The following ARHGAP25 variants were observed in gnomAD, a reference collection of about 807,000 sequenced individuals.
ARHGAP25 encodes the protein rho GTPase-activating protein 25.
ARHGAP25 carries 34 observed loss-of-function variants against 71.0 expected under a neutral mutation model. The observed-to-expected ratio is 0.48, with a 90% CI of 0.36 to 0.64. The LOEUF is 0.64. ARHGAP25 is among the 30% of genes least tolerant of loss of function. The pLI is 0.00. For missense variants in ARHGAP25, 706 were observed against 805.1 expected (o/e 0.88, Z 1.49); for synonymous variants, 282 against 296.5 (o/e 0.95, Z 0.50).
chr2:68,825,777 C>CA (rs370537902), intron 10 of ARHGAP25, among the ~76,000 whole-genome samples: 26 of 148,626 alleles, frequency 1.7e-4, no homozygotes, highest in South Asian at 1.5e-3. Flanking sequence ...AGACTCCATC[C>CA]AAAAAAAAAT....
chr2:68,786,618 G>A (rs1678776070), intron 3 of ARHGAP25, among the ~76,000 whole-genome samples: 1 of 152,300 alleles, frequency 6.6e-6, no homozygotes. Context: ...TCAATGCCCA[G>A]TGCTTTAATG....
chr2:68,817,446 T>A (rs566503415), intron 7 of ARHGAP25, among the ~76,000 whole-genome samples: 1 of 152,308 alleles, frequency 6.6e-6, no homozygotes, highest in East Asian at 1.9e-4. Context: ...GGAGGCACCA[T>A]GGATTCCCCA....
chr2:68,729,218 T>G (rs1674951794), intron 2 of ARHGAP25, among the ~76,000 whole-genome samples: 1 of 152,220 alleles, frequency 6.6e-6, no homozygotes. Context: ...ATCACTGAAT[T>G]GTACACTTTG....
At chr2:68,749,619 G>A (rs2104311346) in intron 1 of ARHGAP25, among the ~76,000 whole-genome samples, 1 of 152,320 alleles carries the variant, frequency 6.6e-6, no homozygotes, top group African/African-American at 2.4e-5. Flanking sequence ...TCATGCAAAG[G>A]CAGCCTCAGT....
intron 5 of ARHGAP25, among the ~76,000 whole-genome samples, chr2:68,810,454 C>G (rs544417837): frequency 1.4e-4 from 21 of 152,266 alleles, no homozygotes; most frequent in African/African-American, 4.8e-4. Context: ...CAAGGCCCAG[C>G]AGTGGGCATG....
At chr2:68,761,218 A>G in intron 1 of ARHGAP25, among the ~76,000 whole-genome samples, 1 of 152,094 alleles carries the variant, frequency 6.6e-6, no homozygotes, top group East Asian at 1.9e-4. Flanking sequence ...CTTACCTAAT[A>G]CCATATACAA....
intron 1 of ARHGAP25, among the ~76,000 whole-genome samples, chr2:68,760,646 C>T (rs1045872910): frequency 1.3e-5 from 2 of 151,874 alleles, no homozygotes; most frequent in Non-Finnish European, 2.9e-5. Context: ...GAAATACTTG[C>T]ACTACAAAAC....
intron 9 of ARHGAP25, among the ~76,000 whole-genome samples, chr2:68,821,099 T>C (rs1279808161): frequency 1.4e-5 from 2 of 144,936 alleles, no homozygotes; most frequent in African/African-American, 2.5e-5. Flanking sequence ...TTTCTTTTTT[T>C]TTTTTTTTTT....
In ARHGAP25 at chr2:68,800,860, T is replaced by A. The variant is rs116228069; in HGVS notation, c.467-6413T>A. On this transcript the variant is annotated intron_variant, in intron 4 of 10. Coordinates refer to ENST00000409202, the MANE Select transcript of ARHGAP25 (RefSeq NM_001007231.3). ...TTACATTGGTTAATAGTTATAATTA[T>A]CATATTACATATATTATAATTACAT... Among the ~76,000 whole-genome samples, 1,427 of 152,196 alleles carry A rather than the reference T, an allele frequency of 9.4e-3. 18 individuals carry two copies. The highest frequency in any genetic ancestry group is 0.033 in the African/African-American group (1,364 of 41,520).
At chr2:68,743,782 A>G (rs958570797) in intron 1 of ARHGAP25, among the ~76,000 whole-genome samples, 1 of 152,100 alleles carries the variant, frequency 6.6e-6, no homozygotes, top group African/African-American at 2.4e-5. Flanking sequence ...GTAGAGTGAC[A>G]GCTGGCCTGA....
intron 3 of ARHGAP25, among the ~76,000 whole-genome samples, chr2:68,786,226 A>G (rs1222728556): frequency 3.9e-5 from 6 of 152,232 alleles, no homozygotes; most frequent in Admixed American, 3.9e-4. Context: ...AAGACCTCCC[A>G]GGAATCAGGG....
In ARHGAP25 at chr2:68,826,706, G is replaced by A. The variant is rs541954660; in HGVS notation, c.*512G>A. The A allele has an allele frequency of 1.2e-4, 24 of 192,720 alleles. No homozygotes were observed. The highest frequency in any genetic ancestry group is 4.9e-4 in the African/African-American group (21 of 42,674). 11.9% of individuals were successfully genotyped at this position (192,720 alleles called of 1,614,324 possible). A position where few individuals can be genotyped will look rare whatever the true frequency, so the allele number is the denominator to read the frequency against. Reference sequence around the variant, plus strand: ...AGAACCCCATTCTGCCACCCCACCAGGATGCCCATTCTCCAGGACTTCTCC... The same window carrying A: ...AGAACCCCATTCTGCCACCCCACCAAGATGCCCATTCTCCAGGACTTCTCC... On this transcript the variant is annotated 3_prime_UTR_variant, in exon 11 of 11. Coordinates refer to ENST00000409202, the MANE Select transcript of ARHGAP25 (RefSeq NM_001007231.3).
chr2:68,716,309 A>G (rs1674607336), intron 2 of ARHGAP25, among the ~76,000 whole-genome samples: 1 of 152,244 alleles, frequency 6.6e-6, no homozygotes, highest in African/African-American at 2.4e-5. Flanking sequence ...CAAAAGAAGA[A>G]AGAAAGATGA....
At chr2:68,808,103 C>G (rs922296778) in intron 5 of ARHGAP25, among the ~76,000 whole-genome samples, 1 of 152,080 alleles carries the variant, frequency 6.6e-6, no homozygotes, top group Non-Finnish European at 1.5e-5. Flanking sequence ...CCCACCACCC[C>G]CTTCCTCCCC....
At chr2:68,757,906 G>A (rs916856366) in intron 1 of ARHGAP25, among the ~76,000 whole-genome samples, 7 of 152,120 alleles carry the variant, frequency 4.6e-5, no homozygotes, top group Middle Eastern at 6.8e-3. Flanking sequence ...CACAATTGTG[G>A]AGACATGAAA....
chr2:68,734,963 T>A lies in ARHGAP25; in HGVS notation c.-237T>A, dbSNP rs1054626677. The A allele has an allele frequency of 1.5e-5, 9 of 586,708 alleles. No individual in the cohort carries two copies. Among genetic ancestry groups the A allele is most frequent in the Non-Finnish European group, 2.7e-5 (9 of 330,272 alleles). The allele number at this position is 586,708 out of a possible 1,614,324, so 36.3% of individuals were successfully genotyped here. On this transcript the variant is annotated 5_prime_UTR_variant, in exon 1 of 11. Transcript: ENST00000409202. ...GTGCTAGCCCCTGTGGGACTGAGGG[T>A]GGAGGCTGGGGGAGTTTGGGTGCCA...
intron 5 of ARHGAP25, among the ~76,000 whole-genome samples, chr2:68,808,765 G>A (rs148796962): frequency 1.1e-4 from 17 of 152,342 alleles, no homozygotes; most frequent in Admixed American, 6.5e-4. Flanking sequence ...CAGGTGGGTT[G>A]TTGCTAGAGC....
At chr2:68,717,578 G>A (rs1237259418) in intron 2 of ARHGAP25, among the ~76,000 whole-genome samples, 1 of 152,238 alleles carries the variant, frequency 6.6e-6, no homozygotes, top group East Asian at 1.9e-4. Flanking sequence ...CATATGTGAA[G>A]CCAAAGGTCT....
upstream of ARHGAP25, among the ~76,000 whole-genome samples, chr2:68,734,684 C>G (rs561712656): frequency 2.4e-4 from 37 of 152,152 alleles, no homozygotes; most frequent in African/African-American, 8.2e-4. Context: ...TTCCAAAAAC[C>G]ATTTTCTCAA....
Sources: allele counts gnomAD v4.1 joint callset (sites outside exome capture counted in the v4.1 genomes callset), GRCh38; gene constraint gnomAD v4.1.1; transcripts MANE v1.5; gene names NCBI Gene and HGNC (gene_info 2026-07-23, HGNC 2026-07-21).